The following PIGT variants were observed in gnomAD, a reference collection of about 807,000 sequenced individuals.
PIGT encodes the protein phosphatidylinositol glycan anchor biosynthesis class T.
In PIGT, 57 loss-of-function variants were observed where a neutral mutation model predicts 66.7. The observed-to-expected ratio is 0.86, with a 90% CI of 0.69 to 1.07. PIGT has a LOEUF of 1.07. PIGT is among the 50% of genes least tolerant of loss of function. The probability of loss-of-function intolerance (pLI) is 0.00; values close to 1 mark genes in which losing one functional copy is unlikely to be tolerated. For synonymous variants in PIGT, 362 were observed against 320.5 expected, an observed-to-expected ratio of 1.13 and a Z score of -1.38; for missense variants, 725 against 740.4, an observed-to-expected ratio of 0.98 and a Z score of 0.24.
intron 9 of PIGT, chr20:45,422,908 T>C (rs1469428168): frequency 2.6e-5 from 4 of 152,158 alleles, no homozygotes; most frequent in African/African-American, 9.7e-5. Context: ...ATTTGCTTTA[T>C]ACTAAGTTCC....
chr20:45,422,522 T>C (rs1349597985), intron 9 of PIGT: 1 of 151,728 alleles, frequency 6.6e-6, no homozygotes, highest in Admixed American at 6.6e-5. Context: ...TCATGGCTCA[T>C]TGCAGTCTCA....
At chr20:45,419,207 A>T (rs1319484038) in intron 3 of PIGT, 88 bp from the exon 4 acceptor site, 1 of 1,189,450 alleles carries the variant, frequency 8.4e-7, no homozygotes, top group Admixed American at 1.9e-5. Context: ...TGGTGTGGGG[A>T]GCAGGAGGGT....
Position 45,420,306 on chromosome 20 carries a change from G to A in PIGT, c.770-26G>A, listed in dbSNP as rs191780806. ...TGGACTAGGCCTAGGCCTGGCCCCTGCTCAGCCCTGCGCTCTGTTTCTCAG... is the reference window on the plus strand; with the variant it reads ...TGGACTAGGCCTAGGCCTGGCCCCTACTCAGCCCTGCGCTCTGTTTCTCAG... On this transcript the variant is annotated intron_variant, in intron 6 of 11. Transcript: ENST00000279036. The A allele has an allele frequency of 1.4e-4, 218 of 1,603,520 alleles. 1 individual carries two copies. In the African/African-American group the frequency reaches 2.5e-3, roughly 18 times the overall value.
In PIGT at chr20:45,421,148, G is replaced by A. The variant is rs116807644; in HGVS notation, c.1034-235G>A. ...TCCTGAGAGGACCTGGATTGGGTTCGAAGGGGGCACGGTGTTCGTCACGTA... is the reference window on the plus strand; with the variant it reads ...TCCTGAGAGGACCTGGATTGGGTTCAAAGGGGGCACGGTGTTCGTCACGTA... On this transcript the variant is annotated intron_variant, in intron 8 of 11. Coordinates refer to ENST00000279036, the MANE Select transcript of PIGT (RefSeq NM_015937.6). The A allele has an allele frequency of 8.7e-3, 4,930 of 567,018 alleles. 53 individuals are homozygous for A. Among genetic ancestry groups the A allele is most frequent in the African/African-American group, 0.038 (2,028 of 53,406 alleles). 35.1% of individuals were successfully genotyped at this position (567,018 alleles called of 1,614,324 possible).
At position 45,416,270 on chromosome 20, in the gene PIGT, G is replaced by T. The variant is rs1282263003; in HGVS notation, c.114G>T (p.Pro38=). ...DSLREELVIT[P]LPSGDVAATF... is the part of the protein sequence containing the mutation. ...TGCGGGAGGAACTTGTCATCACCCC[G>T]CTGCCTTCCGGGGACGTAGCCGCCA... Residue 38 remains proline (P), a synonymous_variant, in exon 1 of 12, where the codon CCG becomes CCT. Coordinates refer to ENST00000279036, the MANE Select transcript of PIGT (RefSeq NM_015937.6). The T allele has an allele frequency of 1.5e-5, 24 of 1,594,766 alleles. No homozygotes were observed. The highest frequency in any genetic ancestry group is 2.0e-5 in the Non-Finnish European group (24 of 1,171,110).
At position 45,419,490 on chromosome 20, in the gene PIGT, T is replaced by C. The variant is rs201614605; in HGVS notation, c.595-14T>C. The C allele has an allele frequency of 4.3e-6, 7 of 1,614,106 alleles. No individual in the cohort carries two copies. The Admixed American group carries it at 5.0e-5, about 12-fold the overall frequency. ...CCATACAGGGCTTCTCTTATCTCTT[T>C]CCATCTCCTCCAGGCAGGCCTCTCT... On this transcript the variant is annotated splice_polypyrimidine_tract_variant and intron_variant, in intron 4 of 11. Coordinates refer to ENST00000279036, the MANE Select transcript of PIGT (RefSeq NM_015937.6).
At chr20:45,424,046 T>C (rs1990556311) in intron 9 of PIGT, 170 bp from the exon 10 acceptor site, 2 of 626,662 alleles carry the variant, frequency 3.2e-6, no homozygotes, top group Non-Finnish European at 5.7e-6. Context: ...CCTGGAAACA[T>C]CCTCTCCCTT....
chr20:45,419,419 C>CA (rs1405052365), intron 4 of PIGT, 24 bp downstream of exon 4: 21 of 1,571,152 alleles, frequency 1.3e-5, no homozygotes, highest in Non-Finnish European at 1.8e-5. Context: ...GCCTGGCAGC[C>CA]GGGGGCGGGG....
Position 45,420,215 on chromosome 20 carries a change from G to A in PIGT, c.761G>A (p.Gly254Glu), listed in dbSNP as rs755600206. ...VVFDAFITGQ[G>E]KKDWSLFRMF... ...TTTGATGCCTTCATCACGGGGCAGG[G>A]AAAGAAAGGTAAGTTACCTTGGCAA... The change falls in exon 6 of 12, where the codon GGA becomes GAA. Residue 254 changes from glycine (G) to glutamate (E), a missense_variant. Gly to Glu is a moderately conservative substitution (Grantham distance 98). Transcript: ENST00000279036. 1 of 1,610,552 alleles carries A rather than the reference G, an allele frequency of 6.2e-7. No homozygotes were observed. Among genetic ancestry groups the A allele is most frequent in the African/African-American group, 1.3e-5 (1 of 74,874 alleles).
At chr20:45,425,452 GTTTTGAGCCTAAGAGAA>G (rs1990684045) in intron 11 of PIGT, 105 bp from the exon 12 acceptor site, 2 of 1,207,164 alleles carry the variant, frequency 1.7e-6, no homozygotes, top group African/African-American at 3.0e-5. Flanking sequence ...CTGTTGAAAG[GTTTTGAGCCTAAGAGAA>G]CATTGGAAAC....
intron 9 of PIGT, 100 bp from the exon 10 acceptor site, chr20:45,424,116 C>G (rs1371371808): frequency 1.8e-6 from 2 of 1,107,234 alleles, no homozygotes; most frequent in African/African-American, 3.1e-5. Context: ...AGCCCATCTT[C>G]TAGGCACCCA....
At position 45,417,028 on chromosome 20, in the gene PIGT, A is replaced by G. The variant is rs1990023312; in HGVS notation, c.365+334A>G. ...TTTAAATGATAATAAATACCACGAA[A>G]GCCAACCATAACATATCTGTGGGTT... On this transcript the variant is annotated intron_variant, in intron 2 of 11. Coordinates refer to ENST00000279036, the MANE Select transcript of PIGT (RefSeq NM_015937.6). 2.6e-5 allele frequency: 5 copies of G among 189,114 alleles called. No individual in the cohort carries two copies. In the East Asian group the frequency reaches 5.9e-4, roughly 22 times the overall value. 11.7% of individuals were successfully genotyped at this position (189,114 alleles called of 1,614,324 possible). A position where few individuals can be genotyped will look rare whatever the true frequency, so the allele number is the denominator to read the frequency against.
rs1989983001 is a variant in PIGT, at chr20:45,416,498, C to T, written c.188-19C>T. 6.2e-7 allele frequency: 1 copy of T among 1,611,524 alleles called. No individual in the cohort carries two copies. Among genetic ancestry groups the T allele is most frequent in the Non-Finnish European group, 8.5e-7 (1 of 1,178,316 alleles). On this transcript the variant is annotated intron_variant, in intron 1 of 11. Coordinates refer to ENST00000279036, the MANE Select transcript of PIGT (RefSeq NM_015937.6). Reference sequence around the variant, plus strand: ...CCGACGAGGTGGGGATCGTCACTCACCTGCTCCCGTTTCCCCAGTGTCCCA... The same window carrying T: ...CCGACGAGGTGGGGATCGTCACTCATCTGCTCCCGTTTCCCCAGTGTCCCA...
chr20:45,424,132 AG>A, intron 9 of PIGT, 83 bp from the exon 10 acceptor site: 3 of 1,315,002 alleles, frequency 2.3e-6, no homozygotes, highest in Non-Finnish European at 3.3e-6. Flanking sequence ...ACCCAGATTG[AG>A]GCTCCATGGC....
At chr20:45,424,815 C>A in intron 11 of PIGT, 1 of 559,558 alleles carries the variant, frequency 1.8e-6, no homozygotes, top group Non-Finnish European at 3.2e-6. Context: ...ACATTTACTT[C>A]TTGATGCTCT....
chr20:45,421,159 G>A (rs902495263), intron 8 of PIGT: 2 of 573,710 alleles, frequency 3.5e-6, no homozygotes, highest in East Asian at 2.9e-5. Context: ...AAGGGGGCAC[G>A]GTGTTCGTCA....
Position 45,424,530 on chromosome 20 carries a change from G to T in PIGT, c.1435G>T (p.Val479Leu). ...CCTCAGCGCCCTTGTGCCCAGCATGGTAGCAGCCAAGCCAGTGGACTGGGA... is the reference window on the plus strand; with the variant it reads ...CCTCAGCGCCCTTGTGCCCAGCATGTTAGCAGCCAAGCCAGTGGACTGGGA... ...SVLSALVPSMVAAKPVDWEES... is the reference protein window; with the variant it reads ...SVLSALVPSMLAAKPVDWEES... The change falls in exon 11 of 12, where the codon GTA (valine) becomes TTA (leucine). Residue 479 changes from valine (V) to leucine (L), a missense_variant. Physicochemically the swap from Val to Leu is conservative, Grantham distance 32. Transcript: ENST00000279036. 6.2e-7 allele frequency: 1 copy of T among 1,614,160 alleles called. No homozygotes were observed. The highest frequency in any genetic ancestry group is 2.2e-5 in the East Asian group (1 of 44,884).
Position 45,416,687 on chromosome 20 carries a change from G to A in PIGT, c.358G>A (p.Val120Ile). The A allele has an allele frequency of 6.2e-7, 1 of 1,612,424 alleles. No homozygotes were observed. Among genetic ancestry groups the A allele is most frequent in the South Asian group, 1.1e-5 (1 of 90,938 alleles). Residue 120 changes from valine to isoleucine, a missense_variant, in exon 2 of 12, where the codon GTC (valine) becomes ATC (isoleucine). Transcript: ENST00000279036. ...AELWVWFQDT[V>I]TDVDKSWKEL... ...GCTGTGGGTCTGGTTCCAAGACACT[G>A]TCACTGAGTGAGTGCACACCTTGGG...
chr20:45,423,087 C>T (rs562118013), intron 9 of PIGT: 2 of 75,060 alleles, frequency 2.7e-5, no homozygotes, highest in Admixed American at 2.1e-4. Context: ...TTTTTTGAGA[C>T]GGATCCTCAC....
Sources: allele counts gnomAD v4.1 joint callset, GRCh38; gene constraint gnomAD v4.1.1; transcripts MANE v1.5; gene names NCBI Gene and HGNC (gene_info 2026-07-23, HGNC 2026-07-21).